The following PTPRT variants were observed in gnomAD, a reference collection of about 807,000 sequenced individuals.
PTPRT encodes the protein receptor-type tyrosine-protein phosphatase T.
A neutral mutation model predicts 176.8 loss-of-function variants in PTPRT; 56 were observed. The observed-to-expected ratio is 0.32, with a 90% CI of 0.26 to 0.40. The LOEUF is 0.40. Ranked by LOEUF, PTPRT falls within the 10% of genes least tolerant of loss-of-function variation. PTPRT has a pLI of 1.00. For synonymous variants in PTPRT, 783 were observed against 739.0 expected (o/e 1.06, Z -0.96); for missense variants, 1,540 against 1,908.2 (o/e 0.81, Z 3.60).
chr20:42,568,645 C>T (rs1015199774), intron 7 of PTPRT, among the ~76,000 whole-genome samples: 1 of 152,134 alleles, frequency 6.6e-6, no homozygotes, highest in Non-Finnish European at 1.5e-5. Context: ...AAACTGAAGT[C>T]CAGTTGTTGA....
intron 11 of PTPRT, among the ~76,000 whole-genome samples, chr20:42,328,786 G>A (rs1003933172): frequency 3.9e-5 from 6 of 152,090 alleles, no homozygotes; most frequent in Non-Finnish European, 5.9e-5. Flanking sequence ...AACGTTGCCC[G>A]GAAAGCTCTA....
chr20:42,919,963 G>C (rs1049393965), intron 1 of PTPRT, among the ~76,000 whole-genome samples: 8 of 152,128 alleles, frequency 5.3e-5, no homozygotes, highest in Non-Finnish European at 1.0e-4. Context: ...GCCAATCCCC[G>C]CCTAGAATTC....
intron 11 of PTPRT, among the ~76,000 whole-genome samples, chr20:42,326,388 A>G (rs185224972): frequency 2.8e-4 from 42 of 152,330 alleles, no homozygotes; most frequent in African/African-American, 9.9e-4. Flanking sequence ...TTAGAAAGGA[A>G]AGCAATTCAT....
chr20:42,285,427 A>G (rs1170952622), intron 12 of PTPRT, among the ~76,000 whole-genome samples: 1 of 152,068 alleles, frequency 6.6e-6, no homozygotes, highest in Admixed American at 6.6e-5. Flanking sequence ...CAAAGGTTTG[A>G]TGAGGCTAAT....
At chr20:42,318,532 T>G (rs1381720861) in intron 11 of PTPRT, among the ~76,000 whole-genome samples, 1 of 152,182 alleles carries the variant, frequency 6.6e-6, no homozygotes, top group East Asian at 1.9e-4. Context: ...GACAACCTCT[T>G]GGGCTCTCCT....
At chr20:42,060,390 T>G in the PTPRT span, among the ~76,000 whole-genome samples, 2 of 152,200 alleles carry the variant, frequency 1.3e-5, no homozygotes, top group Non-Finnish European at 2.9e-5. Context: ...GGATTAATGC[T>G]TGCCTTGCCT....
intron 6 of PTPRT, among the ~76,000 whole-genome samples, chr20:42,733,762 C>A (rs1259615770): frequency 2.0e-5 from 3 of 152,224 alleles, no homozygotes; most frequent in Non-Finnish European, 4.4e-5. Flanking sequence ...CACATCTTCA[C>A]TTCACAGGAA....
At chr20:42,357,991 T>C (rs966465831) in intron 9 of PTPRT, among the ~76,000 whole-genome samples, 3 of 151,502 alleles carry the variant, frequency 2.0e-5, no homozygotes, top group Non-Finnish European at 4.4e-5. Context: ...CAAGAAATGG[T>C]CACAGGTTGA....
At chr20:42,327,469 G>A (rs903213877) in intron 11 of PTPRT, among the ~76,000 whole-genome samples, 2 of 152,096 alleles carry the variant, frequency 1.3e-5, no homozygotes, top group Admixed American at 6.6e-5. Context: ...GAAATTTCCT[G>A]AGCGTGATGA....
At chr20:43,065,871 G>A (rs2011107787) in intron 1 of PTPRT, among the ~76,000 whole-genome samples, 1 of 151,486 alleles carries the variant, frequency 6.6e-6, no homozygotes, top group African/African-American at 2.4e-5. Flanking sequence ...TCATTTTACA[G>A]TTGGGGAAAA....
chr20:42,740,674 A>G (rs1278015066), intron 6 of PTPRT, among the ~76,000 whole-genome samples: 7 of 152,204 alleles, frequency 4.6e-5, no homozygotes, highest in Admixed American at 2.0e-4. Context: ...ATTAATCCAG[A>G]GCCAGTGGGG....
chr20:42,265,665 T>G (rs1299520143), intron 13 of PTPRT, among the ~76,000 whole-genome samples: 1 of 152,110 alleles, frequency 6.6e-6, no homozygotes, highest in African/African-American at 2.4e-5. Flanking sequence ...TTCTCCTGCC[T>G]CTGGTTCCTG....
intron 12 of PTPRT, among the ~76,000 whole-genome samples, chr20:42,294,729 C>T (rs1368673647): frequency 1.3e-5 from 2 of 151,438 alleles, no homozygotes; most frequent in African/African-American, 2.4e-5. Context: ...AATTAAATAT[C>T]CTCAAACAAC....
chr20:42,114,170 T>C (rs1987156163), intron 22 of PTPRT, among the ~76,000 whole-genome samples: 1 of 152,190 alleles, frequency 6.6e-6, no homozygotes, highest in South Asian at 2.1e-4. Context: ...TATGGTGTAA[T>C]GGAAAGAGAA....
rs201581849 is a variant in PTPRT at position 42,913,925 on chromosome 20, A to AT, written c.89-27994dup. On this transcript the variant is annotated intron_variant, in intron 1 of 30. Transcript: ENST00000373187. Reference sequence around the variant, plus strand: ...TATTGAACTCATCATATGGTTTTCTATTTTTTATTTATCCATGTAATACAT... The same window carrying AT: ...TATTGAACTCATCATATGGTTTTCTATTTTTTTATTTATCCATGTAATACAT... Among the ~76,000 whole-genome samples the AT allele has an allele frequency of 3.8e-3, 575 of 152,238 alleles. 5 individuals are homozygous for AT. Among genetic ancestry groups the AT allele is most frequent in the African/African-American group, 0.013 (547 of 41,540 alleles).
intron 1 of PTPRT, among the ~76,000 whole-genome samples, chr20:43,133,060 C>T (rs1423963676): frequency 6.6e-6 from 1 of 151,916 alleles, no homozygotes; most frequent in Non-Finnish European, 1.5e-5. Context: ...AGTTTAAATA[C>T]AGGTGCTTGC....
In PTPRT at chr20:42,907,556, G is replaced by A. The variant is rs78863020; in HGVS notation, c.89-21624C>T. 0.012 allele frequency among the ~76,000 whole-genome samples: 1,787 copies of A among 152,110 alleles called. 73 individuals carry two copies. The East Asian group carries it at 0.15, about 12-fold the overall frequency. ...CACGAATTTATACACTACACAACTCGTTCTTAACAGAGTTGTACAGTATGA... is the reference window on the plus strand; with the variant it reads ...CACGAATTTATACACTACACAACTCATTCTTAACAGAGTTGTACAGTATGA... On this transcript the variant is annotated intron_variant, in intron 1 of 30. Coordinates refer to ENST00000373187, the MANE Select transcript of PTPRT (RefSeq NM_007050.6).
At chr20:42,060,003 T>C in the PTPRT span, among the ~76,000 whole-genome samples, 1 of 152,124 alleles carries the variant, frequency 6.6e-6, no homozygotes, top group Non-Finnish European at 1.5e-5. Context: ...CAAATAAAAA[T>C]AATAATTTAC....
In PTPRT at chr20:42,119,013, GAAAAAAAAAA is replaced by G. The variant is rs11415242; in HGVS notation, c.2885-523_2885-514del. 3.2e-3 allele frequency among the ~76,000 whole-genome samples: 93 copies of G among 29,216 alleles called. 2 individuals carry two copies. The highest frequency in any genetic ancestry group is 8.5e-3 in the South Asian group (4 of 470). The allele number at this position is 29,216 out of a possible 152,430, so 19.2% of individuals were successfully genotyped here. ...CTCTAGGGCCTCAACAGAAAGGAAGGAAAAAAAAAAAAAAAAAAAAAAAAAAAAGACCAGG... is the reference window on the plus strand; with the variant it reads ...CTCTAGGGCCTCAACAGAAAGGAAGGAAAAAAAAAAAAAAAAAAGACCAGG... On this transcript the variant is annotated intron_variant, in intron 20 of 30. Coordinates refer to ENST00000373187, the MANE Select transcript of PTPRT (RefSeq NM_007050.6).
Sources: gnomAD v4.1 joint callset for allele counts (sites outside exome capture counted in the v4.1 genomes callset) on GRCh38, gnomAD v4.1.1 for gene constraint, MANE v1.5 for transcripts, NCBI Gene and HGNC (gene_info 2026-07-23, HGNC 2026-07-21) for gene names.